The following PAX7 variants were observed in gnomAD, a reference collection of about 807,000 sequenced individuals.
PAX7 encodes the protein paired box protein Pax-7.
PAX7 carries 18 observed loss-of-function variants against 50.7 expected under a neutral mutation model. The observed-to-expected ratio is 0.36, with a 90% confidence interval of 0.25 to 0.53. The LOEUF (loss-of-function observed/expected upper bound fraction) is 0.53. Ranked by LOEUF, PAX7 falls within the 20% of genes least tolerant of loss-of-function variation. The pLI, the probability that PAX7 is intolerant of heterozygous loss-of-function variation, is 0.93. For synonymous variants in PAX7, 310 were observed against 290.4 expected (o/e 1.07, Z -0.69); for missense variants, 644 against 702.9 (o/e 0.92, Z 0.95).
intron 7 of PAX7, among the ~76,000 whole-genome samples, chr1:18,706,632 G>C (rs1049422212): frequency 5.5e-5 from 6 of 109,328 alleles, no homozygotes; most frequent in Admixed American, 2.1e-4. Flanking sequence ...ACAGGCCCCT[G>C]CCGCCACTCC....
At chr1:18,720,043 C>G (rs2089475170) in intron 7 of PAX7, among the ~76,000 whole-genome samples, 1 of 152,196 alleles carries the variant, frequency 6.6e-6, no homozygotes, top group African/African-American at 2.4e-5. Flanking sequence ...AACCAAAACC[C>G]TTGGTTTATC....
At chr1:18,661,369 T>C (rs2088597360) in intron 4 of PAX7, among the ~76,000 whole-genome samples, 1 of 152,138 alleles carries the variant, frequency 6.6e-6, no homozygotes, top group Non-Finnish European at 1.5e-5. Flanking sequence ...AACTTTCTGA[T>C]CTCTCCTCCC....
At chr1:18,671,418 C>A (rs2088746882) in intron 4 of PAX7, among the ~76,000 whole-genome samples, 1 of 152,204 alleles carries the variant, frequency 6.6e-6, no homozygotes, top group Non-Finnish European at 1.5e-5. Context: ...CTGTACAATG[C>A]ACTCTTATTT....
chr1:18,634,669 A>G lies in PAX7; in HGVS notation c.321+131A>G. 1 of 678,384 alleles carries G rather than the reference A, an allele frequency of 1.5e-6. No individual in the cohort carries two copies. Among genetic ancestry groups the G allele is most frequent in the Non-Finnish European group, 2.5e-6 (1 of 400,646 alleles). 42.0% of individuals were successfully genotyped at this position (678,384 alleles called of 1,614,324 possible). A position where few individuals can be genotyped will look rare whatever the true frequency, so the allele number is the denominator to read the frequency against. ...GCTGGAGGGTGTCTTCTACTCCCAG[A>G]TGTCCTCCCATTGTTTTCCTATTAT... is the stretch of plus-strand genomic sequence containing the variant. On this transcript the variant is annotated intron_variant, in intron 2 of 8. Transcript: ENST00000420770. The surrounding 1 kb of genome is among the most constrained non-coding windows in gnomAD (Gnocchi z 4.0).
At chr1:18,708,786 C>T (rs1007906498) in intron 7 of PAX7, among the ~76,000 whole-genome samples, 1 of 152,008 alleles carries the variant, frequency 6.6e-6, no homozygotes, top group Non-Finnish European at 1.5e-5. Context: ...CAGCCCCTGT[C>T]TTCAGGAACT....
intron 4 of PAX7, among the ~76,000 whole-genome samples, chr1:18,675,266 C>T (rs1054736985): frequency 7.2e-5 from 11 of 152,198 alleles, no homozygotes; most frequent in Admixed American, 6.5e-4. Context: ...GAAAAAAAGC[C>T]GAAAGTGTCC....
Position 18,731,023 on chromosome 1 carries a change from C to G in PAX7, c.1156-4609C>G, listed in dbSNP as rs976307938. Reference sequence around the variant, plus strand: ...AGATTTGCCTTCAGATAAAACCTTACAGATGTGGAGGTCGGTATTGATTTT... The same window carrying G: ...AGATTTGCCTTCAGATAAAACCTTAGAGATGTGGAGGTCGGTATTGATTTT... On this transcript the variant is annotated intron_variant, in intron 7 of 8. Coordinates refer to ENST00000420770, the MANE Select transcript of PAX7 (RefSeq NM_001135254.2). Among the ~76,000 whole-genome samples, 3 of 152,288 alleles carry G rather than the reference C, an allele frequency of 2.0e-5. No individual in the cohort carries two copies. In the East Asian group the frequency reaches 5.8e-4, roughly 29 times the overall value.
chr1:18,647,055 G>C (rs1326787797), intron 4 of PAX7, among the ~76,000 whole-genome samples: 1 of 148,624 alleles, frequency 6.7e-6, no homozygotes, highest in African/African-American at 2.5e-5. Context: ...GGGGCGACCC[G>C]CGCGGGAAGG....
chr1:18,709,342 T>C (rs1037890127), intron 7 of PAX7, among the ~76,000 whole-genome samples: 1 of 152,206 alleles, frequency 6.6e-6, no homozygotes, highest in East Asian at 1.9e-4. Flanking sequence ...TGTTCCTTTC[T>C]GGAGCTTAAA....
At position 18,631,807 on chromosome 1, in the gene PAX7, T is replaced by C. The variant is rs1020426073; in HGVS notation, c.85+119T>C. Reference sequence around the variant, plus strand: ...CGGCGATAGCAGAGGGATCCCGTTCTCTTCTGGGTCCCAGTCCGGGCGCGG... The same window carrying C: ...CGGCGATAGCAGAGGGATCCCGTTCCCTTCTGGGTCCCAGTCCGGGCGCGG... On this transcript the variant is annotated intron_variant, in intron 1 of 8. Coordinates refer to ENST00000420770, the MANE Select transcript of PAX7 (RefSeq NM_001135254.2). 3.7e-6 allele frequency: 3 copies of C among 808,922 alleles called. No individual in the cohort carries two copies. The African/African-American group carries it at 5.1e-5, about 14-fold the overall frequency. The allele number at this position is 808,922 out of a possible 1,614,324, so 50.1% of individuals were successfully genotyped here.
At chr1:18,686,845 C>A (rs1351542988) in intron 4 of PAX7, among the ~76,000 whole-genome samples, 3 of 151,770 alleles carry the variant, frequency 2.0e-5, no homozygotes, top group African/African-American at 7.3e-5. Context: ...CTTCATGGGT[C>A]CTTGAAGTTG....
Position 18,745,499 on chromosome 1 carries a change from AG to A in PAX7, c.*576del, listed in dbSNP as rs1446615882. ...CTGGGGTCTTCCCAGGGGAGTCAGC[AG>A]GGGGGCAGTCTCACCCCCACCCAGG... On this transcript the variant is annotated 3_prime_UTR_variant, in exon 9 of 9. Coordinates refer to ENST00000420770, the MANE Select transcript of PAX7 (RefSeq NM_001135254.2). The A allele has an allele frequency of 2.2e-5, 5 of 231,780 alleles. No homozygotes were observed. The highest frequency in any genetic ancestry group is 1.3e-3 in the Middle Eastern group (1 of 794). 14.4% of individuals were successfully genotyped at this position (231,780 alleles called of 1,614,324 possible).
intron 4 of PAX7, among the ~76,000 whole-genome samples, chr1:18,673,827 A>C (rs914938278): frequency 6.6e-6 from 1 of 152,104 alleles, no homozygotes; most frequent in African/African-American, 2.4e-5. Context: ...CTGCATTTGC[A>C]TTTGGGGGCC....
chr1:18,693,315 G>A (rs1014517792), intron 5 of PAX7, among the ~76,000 whole-genome samples: 14 of 152,292 alleles, frequency 9.2e-5, no homozygotes, highest in African/African-American at 3.1e-4. Flanking sequence ...TCTCAAACGT[G>A]ACCTAGTGGA....
Position 18,744,865 on chromosome 1 carries a change from T to A in PAX7, c.1454T>A (p.Met485Lys). Residue 485 changes from methionine to lysine, a missense_variant, in exon 9 of 9, where the codon ATG becomes AAG. Coordinates refer to ENST00000420770, the MANE Select transcript of PAX7 (RefSeq NM_001135254.2). The stretch of plus-strand genomic sequence containing the variant: ...GTGAGCCTCTCCACCCAGCGTCGCA[T>A]GAAGCTCGGGGAGCACTCTGCTGTG... ...KNVSLSTQRR[M>K]KLGEHSAVLG... 1 of 1,558,900 alleles carries A rather than the reference T, an allele frequency of 6.4e-7. No individual in the cohort carries two copies. The highest frequency in any genetic ancestry group is 8.7e-7 in the Non-Finnish European group (1 of 1,151,092).
intron 7 of PAX7, 84 bp downstream of exon 7, chr1:18,703,380 G>A (rs1043290145): frequency 1.1e-5 from 14 of 1,243,830 alleles, no homozygotes; most frequent in Non-Finnish European, 1.5e-5. Context: ...GAAGCCTTGC[G>A]CTCTTTCCTG....
At chr1:18,714,469 A>G (rs2089394058) in intron 7 of PAX7, among the ~76,000 whole-genome samples, 1 of 152,210 alleles carries the variant, frequency 6.6e-6, no homozygotes, top group African/African-American at 2.4e-5. Flanking sequence ...CGCCCTGAAC[A>G]GAAATTGAAC....
At chr1:18,715,009 G>A (rs1343090676) in intron 7 of PAX7, among the ~76,000 whole-genome samples, 1 of 152,246 alleles carries the variant, frequency 6.6e-6, no homozygotes. Flanking sequence ...TCCCCTGCAG[G>A]AGGAAGGCCG....
rs1490203115 is a variant in PAX7 at position 18,726,605 on chromosome 1, G to C, written c.1156-9027G>C. On this transcript the variant is annotated intron_variant, in intron 7 of 8. Coordinates refer to ENST00000420770, the MANE Select transcript of PAX7 (RefSeq NM_001135254.2). The surrounding 1 kb of genome is among the most constrained non-coding windows in gnomAD (Gnocchi z 4.8). ...GGCTCAGTCTGTTCCCAGGCAGAGG[G>C]TTGGGCCTTAGTGGGACTGAAAGTT... is the stretch of plus-strand genomic sequence containing the variant. Among the ~76,000 whole-genome samples the C allele has an allele frequency of 6.6e-6, 1 of 152,154 alleles. No individual in the cohort carries two copies. The highest frequency in any genetic ancestry group is 1.5e-5 in the Non-Finnish European group (1 of 68,044).
Sources: gnomAD v4.1 joint callset for allele counts (sites outside exome capture counted in the v4.1 genomes callset) on GRCh38, gnomAD v4.1.1 for gene constraint, Gnocchi (gnomAD v3.1) non-coding constraint, MANE v1.5 for transcripts, NCBI Gene and HGNC (gene_info 2026-07-23, HGNC 2026-07-21) for gene names.